Variants in MAOB observed in about 807,000 individuals in gnomAD.
MAOB encodes the protein amine oxidase [flavin-containing] B.
MAOB carries 15 observed loss-of-function variants against 41.9 expected under a neutral mutation model. The observed-to-expected ratio is 0.36, with a 90% CI of 0.24 to 0.55. The LOEUF is 0.55. MAOB is among the 20% of genes least tolerant of loss of function. The pLI is 0.86. For missense variants in MAOB, 345 were observed against 398.7 expected, an observed-to-expected ratio of 0.87 and a Z score of 1.15; for synonymous variants, 167 against 144.2, an observed-to-expected ratio of 1.16 and a Z score of -1.13.
chrX:43,853,201 G>A (rs905067549), intron 1 of MAOB, among the ~76,000 whole-genome samples: 2 of 103,318 alleles, frequency 1.9e-5, no homozygotes, highest in Non-Finnish European at 3.9e-5. Context: ...CCGGGAGGCG[G>A]AGGTTGCAAT....
chrX:43,775,020 C>T (rs2034234452), intron 12 of MAOB, among the ~76,000 whole-genome samples, 155 bp downstream of exon 12: 1 of 106,287 alleles, frequency 9.4e-6, no homozygotes, highest in Admixed American at 1.0e-4. Context: ...ATAAGATACA[C>T]GATTTCATTC....
chrX:43,807,894 C>T lies in MAOB; in HGVS notation c.280-4490G>A, dbSNP rs1222263399. ...GTCATTTATTTGACACACAATGCCC[C>T]GATTTATAAACTGATCTTTTGTACT... On this transcript the variant is annotated intron_variant, in intron 3 of 14. Coordinates refer to ENST00000378069, the MANE Select transcript of MAOB (RefSeq NM_000898.5). Among the ~76,000 whole-genome samples, 5 of 111,452 alleles carry T rather than the reference C, an allele frequency of 4.5e-5. 1 individual carries two copies. The highest frequency in any genetic ancestry group is 3.8e-4 in the Admixed American group (4 of 10,440).
intron 3 of MAOB, chrX:43,837,795 A>G (rs2035088539): frequency 1.6e-5 from 5 of 321,848 alleles, no homozygotes; most frequent in Non-Finnish European, 3.0e-5. Context: ...GCAAGTGAAG[A>G]TGAGAGAGGA....
chrX:43,855,987 C>G (rs990355589), intron 1 of MAOB, among the ~76,000 whole-genome samples: 4 of 111,431 alleles, frequency 3.6e-5, no homozygotes, highest in African/African-American at 1.3e-4. Context: ...GCATCTCCCC[C>G]CAGCATTCAG....
At position 43,838,948 on chromosome X, in the gene MAOB, G is replaced by A. The variant is rs777268698; in HGVS notation, c.199C>T (p.Arg67Cys). 1.3e-5 allele frequency: 16 copies of A among 1,201,733 alleles called. No individual in the cohort carries two copies. Among genetic ancestry groups the A allele is most frequent in the Admixed American group, 2.2e-5 (1 of 45,360 alleles). The change falls in exon 3 of 15, where the codon CGT (arginine) becomes TGT (cysteine). Residue 67 changes from arginine (R) to cysteine (C), a missense_variant. Transcript: ENST00000378069. ...GGSYVGPTQNRILRLAKELGL... is the reference protein window; with the variant it reads ...GGSYVGPTQNCILRLAKELGL... ...AGCTCCTTGGCTAATCTCAAGATACGATTCTGGGTTGGTCCAACATAGGAT... is the reference window on the plus strand; with the variant it reads ...AGCTCCTTGGCTAATCTCAAGATACAATTCTGGGTTGGTCCAACATAGGAT...
At chrX:43,839,976 C>T (rs2035114887) in intron 2 of MAOB, among the ~76,000 whole-genome samples, 1 of 111,917 alleles carries the variant, frequency 8.9e-6, no homozygotes, top group Non-Finnish European at 1.9e-5. Context: ...GTGGTATTAA[C>T]ACAGAAGAAA....
intron 8 of MAOB, among the ~76,000 whole-genome samples, chrX:43,786,907 G>A (rs2034407167): frequency 9.0e-6 from 1 of 111,701 alleles, no homozygotes; most frequent in African/African-American, 3.3e-5. Context: ...GCATGGAAGA[G>A]ATTTCTGCCA....
chrX:43,795,609 A>C, intron 7 of MAOB, 130 bp downstream of exon 7: 6 of 521,222 alleles, frequency 1.2e-5, no homozygotes, highest in Non-Finnish European at 1.8e-5. Context: ...TCCTGAAGCT[A>C]CCTAGGGGCT....
At chrX:43,816,420 G>A (rs1470506236) in intron 3 of MAOB, among the ~76,000 whole-genome samples, 1 of 112,099 alleles carries the variant, frequency 8.9e-6, no homozygotes, top group Non-Finnish European at 1.9e-5. Context: ...TGAACTGCAT[G>A]GTATGTGAAT....
At chrX:43,813,857 G>A (rs764351279) in intron 3 of MAOB, among the ~76,000 whole-genome samples, 1 of 111,687 alleles carries the variant, frequency 9.0e-6, no homozygotes, top group South Asian at 3.8e-4. Context: ...TGACAAAACA[G>A]ACACTACACA....
Position 43,778,728 on chromosome X carries a change from A to T in MAOB, c.1091T>A (p.Leu364His). The change falls in exon 11 of 15, where the codon CTT becomes CAT. Residue 364 changes from leucine (L) to histidine (H), a missense_variant. Coordinates refer to ENST00000378069, the MANE Select transcript of MAOB (RefSeq NM_000898.5). ...RLTKEERLKK[L>H]CELYAKVLGS... ...CAGAACCTTGGCATAGAGTTCACAA[A>T]GTTTCTTCAACCTGTGAATGAAAAG... 8.3e-7 allele frequency: 1 copy of T among 1,202,196 alleles called. No individual in the cohort carries two copies. Among genetic ancestry groups the T allele is most frequent in the South Asian group, 1.8e-5 (1 of 56,080 alleles).
intron 11 of MAOB, 108 bp from the exon 12 acceptor site, chrX:43,775,380 G>A (rs1054554317): frequency 2.8e-6 from 3 of 1,089,325 alleles, no homozygotes; most frequent in East Asian, 7.3e-5. Context: ...AATGTATTTC[G>A]GAAATAGAGT....
chrX:43,815,010 A>G (rs1245954597), intron 3 of MAOB, among the ~76,000 whole-genome samples: 1 of 111,718 alleles, frequency 9.0e-6, no homozygotes, highest in Non-Finnish European at 1.9e-5. Context: ...AGTCTCCAAA[A>G]TTAGTCCATG....
intron 3 of MAOB, among the ~76,000 whole-genome samples, chrX:43,834,860 G>A (rs1371792808): frequency 8.9e-6 from 1 of 112,722 alleles, no homozygotes; most frequent in Non-Finnish European, 1.9e-5. Flanking sequence ...CTTTTGCTCA[G>A]CTTCTCCAGA....
At chrX:43,849,151 A>G (rs945566814) in intron 1 of MAOB, among the ~76,000 whole-genome samples, 1 of 111,973 alleles carries the variant, frequency 8.9e-6, no homozygotes, top group African/African-American at 3.2e-5. Context: ...ATCACTGAAA[A>G]CAGCTAACAT....
intron 2 of MAOB, among the ~76,000 whole-genome samples, chrX:43,843,371 A>T (rs962278903): frequency 7.2e-5 from 7 of 97,770 alleles, no homozygotes; most frequent in African/African-American, 3.0e-4. Context: ...ACACACACAC[A>T]CACACACACA....
chrX:43,778,061 C>T (rs1042080880), intron 11 of MAOB, among the ~76,000 whole-genome samples: 7 of 111,012 alleles, frequency 6.3e-5, no homozygotes, highest in African/African-American at 2.3e-4. Context: ...TGAAGATCAC[C>T]GTTTTCTCAG....
chrX:43,828,072 A>ATGGAC, intron 3 of MAOB, among the ~76,000 whole-genome samples: 1 of 111,764 alleles, frequency 8.9e-6, no homozygotes, highest in Non-Finnish European at 1.9e-5. Context: ...TTGTTTTTAG[A>ATGGAC]TGGACTCTCA....
chrX:43,769,516 A>G (rs2034154442), intron 12 of MAOB, 98 bp from the exon 13 acceptor site: 5 of 1,059,685 alleles, frequency 4.7e-6, no homozygotes, highest in Non-Finnish European at 6.1e-6. Flanking sequence ...CACAGATTCT[A>G]AACAATCAAG....
Sources: gnomAD v4.1 joint callset for allele counts (sites outside exome capture counted in the v4.1 genomes callset) on GRCh38, gnomAD v4.1.1 for gene constraint, MANE v1.5 for transcripts, NCBI Gene and HGNC (gene_info 2026-07-23, HGNC 2026-07-21) for gene names.